The following TRUB1 variants were observed in gnomAD, a reference collection of about 807,000 sequenced individuals.
TRUB1 encodes the protein pseudouridylate synthase TRUB1.
Under a neutral mutation model 33.9 loss-of-function variants are expected in TRUB1, and 23 were observed. That is an observed-to-expected ratio of 0.68 (90% CI 0.49 to 0.96). The LOEUF (loss-of-function observed/expected upper bound fraction) is 0.96, where lower values mean the gene tolerates loss of function less well. Ranked by LOEUF, TRUB1 falls within the 40% of genes least tolerant of loss-of-function variation. TRUB1 has a pLI of 0.00. For missense variants in TRUB1, 378 were observed against 422.2 expected (o/e 0.90, Z 0.92); for synonymous variants, 163 against 165.4 (o/e 0.99, Z 0.11).
intron 2 of TRUB1, among the ~76,000 whole-genome samples, chr10:114,943,256 G>A (rs2084196405): frequency 6.6e-6 from 1 of 152,060 alleles, no homozygotes; most frequent in South Asian, 2.1e-4. Flanking sequence ...CACTGGGGCC[G>A]GGTGCAGTGG....
chr10:114,954,661 T>C (rs918057782), intron 3 of TRUB1, among the ~76,000 whole-genome samples: 1 of 151,654 alleles, frequency 6.6e-6, no homozygotes, highest in Admixed American at 6.6e-5. Flanking sequence ...TTTTTTTCCC[T>C]GTGCCTGATC....
In TRUB1 at chr10:114,976,341, A is replaced by G. The variant is rs1277243356; in HGVS notation, c.*962A>G. On this transcript the variant is annotated 3_prime_UTR_variant, in exon 8 of 8. Transcript: ENST00000298746. Reference sequence around the variant, plus strand: ...AATCTCTTCTGCTCTAAATATTTAAAAACAGTTCTTCTCAAACATTTTCAT... The same window carrying G: ...AATCTCTTCTGCTCTAAATATTTAAGAACAGTTCTTCTCAAACATTTTCAT... 1 of 152,186 alleles carries G rather than the reference A, an allele frequency of 6.6e-6. No individual in the cohort carries two copies. The highest frequency in any genetic ancestry group is 1.5e-5 in the Non-Finnish European group (1 of 68,024). 9.4% of individuals were successfully genotyped at this position (152,186 alleles called of 1,614,324 possible).
intron 3 of TRUB1, among the ~76,000 whole-genome samples, chr10:114,955,355 G>T (rs1037492790): frequency 2.6e-5 from 4 of 152,196 alleles, no homozygotes; most frequent in Admixed American, 6.5e-5. Context: ...GTTTTGGAGT[G>T]CTGTCTTTAT....
Position 114,942,703 on chromosome 10 carries a change from G to T in TRUB1, c.345G>T (p.Gly115=). The T allele has an allele frequency of 6.2e-7, 1 of 1,614,024 alleles. No homozygotes were observed. Among genetic ancestry groups the T allele is most frequent in the Non-Finnish European group, 8.5e-7 (1 of 1,179,966 alleles). Residue 115 remains glycine, a synonymous_variant, in exon 2 of 8, where the codon GGG becomes GGT. Transcript: ENST00000298746. Reference sequence around the variant, plus strand: ...GGAAAAAGCAGACTTTGAAAATTGGGCATGGAGGGACTCTAGACAGCGCAG... The same window carrying T: ...GGAAAAAGCAGACTTTGAAAATTGGTCATGGAGGGACTCTAGACAGCGCAG... ...TKRKKQTLKI[G]HGGTLDSAAR...
In TRUB1 at chr10:114,976,946, C is replaced by CTA. The variant is rs1331897237; in HGVS notation, c.*1568_*1569dup. 1 of 152,102 alleles carries CTA rather than the reference C, an allele frequency of 6.6e-6. No individual in the cohort carries two copies. The highest frequency in any genetic ancestry group is 1.9e-4 in the East Asian group (1 of 5,202). The allele number at this position is 152,102 out of a possible 1,614,324, so 9.4% of individuals were successfully genotyped here. ...GTGTGTCAACCAAAGGTGGCAGTGG[C>CTA]TACATCTGCCTGTTGGACTGGTACA... On this transcript the variant is annotated 3_prime_UTR_variant, in exon 8 of 8. Coordinates refer to ENST00000298746, the MANE Select transcript of TRUB1 (RefSeq NM_139169.5).
chr10:114,944,199 C>T (rs899686736), intron 2 of TRUB1, among the ~76,000 whole-genome samples: 19 of 151,932 alleles, frequency 1.3e-4, no homozygotes, highest in Non-Finnish European at 1.9e-4. Context: ...TGGAACAATA[C>T]TTATCTTTTT....
chr10:114,969,136 T>TA (rs1359130349), intron 4 of TRUB1, among the ~76,000 whole-genome samples: 1 of 150,586 alleles, frequency 6.6e-6, no homozygotes, highest in Non-Finnish European at 1.5e-5. Context: ...TTTTTTTTTT[T>TA]AAATATGGAA....
At chr10:114,963,652 A>G (rs183224390) in intron 4 of TRUB1, among the ~76,000 whole-genome samples, 5 of 152,318 alleles carry the variant, frequency 3.3e-5, no homozygotes, top group Non-Finnish European at 5.9e-5. Flanking sequence ...ATCCAATGCT[A>G]TGGAGATGGT....
intron 4 of TRUB1, among the ~76,000 whole-genome samples, chr10:114,964,001 G>C (rs551391223): frequency 5.3e-5 from 8 of 152,004 alleles, no homozygotes; most frequent in Admixed American, 5.2e-4. Context: ...GCGTGTGCAC[G>C]TGTGTGCCTG....
intron 4 of TRUB1, among the ~76,000 whole-genome samples, chr10:114,969,306 G>T (rs1298702979): frequency 6.6e-6 from 1 of 150,854 alleles, no homozygotes; most frequent in African/African-American, 2.4e-5. Flanking sequence ...GGTTGTGCAC[G>T]CCTGTAATCC....
intron 5 of TRUB1, among the ~76,000 whole-genome samples, chr10:114,970,862 A>G (rs1437630276): frequency 6.6e-6 from 1 of 152,248 alleles, no homozygotes; most frequent in Non-Finnish European, 1.5e-5. Context: ...TATTGGGCAC[A>G]ATCTTTTGCT....
chr10:114,948,374 T>A (rs1299014002), intron 2 of TRUB1, among the ~76,000 whole-genome samples: 2 of 152,232 alleles, frequency 1.3e-5, no homozygotes, highest in South Asian at 4.1e-4. Flanking sequence ...ATACTGCTAA[T>A]GTAAAATTTC....
At chr10:114,954,657 T>TTC (rs1564699094) in intron 3 of TRUB1, among the ~76,000 whole-genome samples, 1 of 152,050 alleles carries the variant, frequency 6.6e-6, no homozygotes, top group African/African-American at 2.4e-5. Flanking sequence ...TTTTTTTTTT[T>TTC]CCCTGTGCCT....
chr10:114,938,931 CAGATAT>C (rs2084172658), intron 1 of TRUB1, among the ~76,000 whole-genome samples: 1 of 152,164 alleles, frequency 6.6e-6, no homozygotes, highest in South Asian at 2.1e-4. Context: ...ATTGGAAATG[CAGATAT>C]ACTTCGTTAA....
rs2084358470 is a variant in TRUB1 at position 114,975,957 on chromosome 10, T to C, written c.*578T>C. 1 of 152,514 alleles carries C rather than the reference T, an allele frequency of 6.6e-6. No individual in the cohort carries two copies. The highest frequency in any genetic ancestry group is 6.6e-5 in the Admixed American group (1 of 15,262). 9.4% of individuals were successfully genotyped at this position (152,514 alleles called of 1,614,324 possible). ...TTAGATCTTGGAAATGAATAAGCTT[T>C]GATAATATTTGTAAATGAACCAAAT... On this transcript the variant is annotated 3_prime_UTR_variant, in exon 8 of 8. Transcript: ENST00000298746.
At chr10:114,970,227 A>G in intron 4 of TRUB1, 141 bp from the exon 5 acceptor site, 1 of 539,514 alleles carries the variant, frequency 1.9e-6, no homozygotes, top group Non-Finnish European at 3.3e-6. Context: ...TTAACAAGGT[A>G]GAATTTTGGC....
chr10:114,944,756 A>G (rs746982109), intron 2 of TRUB1, among the ~76,000 whole-genome samples: 2 of 152,138 alleles, frequency 1.3e-5, no homozygotes, highest in African/African-American at 2.4e-5. Flanking sequence ...AGGCCGAGGT[A>G]GGTGGATTGC....
At chr10:114,944,526 G>T (rs892810775) in intron 2 of TRUB1, among the ~76,000 whole-genome samples, 1 of 152,122 alleles carries the variant, frequency 6.6e-6, no homozygotes, top group African/African-American at 2.4e-5. Flanking sequence ...GGGCATGGTG[G>T]CATGTGCCTG....
intron 4 of TRUB1, among the ~76,000 whole-genome samples, chr10:114,961,383 A>G (rs1165555927): frequency 2.0e-5 from 3 of 152,142 alleles, no homozygotes; most frequent in African/African-American, 7.2e-5. Flanking sequence ...GTTGTCAACC[A>G]TGACCTAGGT....
Sources: gnomAD v4.1 joint callset for allele counts (sites outside exome capture counted in the v4.1 genomes callset) on GRCh38, gnomAD v4.1.1 for gene constraint, MANE v1.5 for transcripts, NCBI Gene and HGNC (gene_info 2026-07-23, HGNC 2026-07-21) for gene names.